SORCS2: variants seen among roughly 807,000 people sequenced by gnomAD.
The protein encoded by SORCS2 is VPS10 domain-containing receptor SorCS2.
SORCS2 carries 100 observed loss-of-function variants against 141.6 expected under a neutral mutation model. The observed-to-expected ratio is 0.71, with a 90% CI of 0.60 to 0.83. The LOEUF is 0.83. SORCS2 is among the 40% of genes least tolerant of loss of function. The pLI is 0.00. For missense variants in SORCS2, 1,646 were observed against 1,560.2 expected (o/e 1.05, Z -0.93); for synonymous variants, 789 against 676.9 (o/e 1.17, Z -2.57).
chr4:7,266,403 T>G (rs537391094), intron 1 of SORCS2, among the ~76,000 whole-genome samples: 136 of 152,344 alleles, frequency 8.9e-4, no homozygotes, highest in African/African-American at 3.2e-3. Flanking sequence ...ATTTCCGTCC[T>G]GCCCTCCTCC....
At chr4:7,667,286 C>T (rs1439906249) in intron 8 of SORCS2, 73 bp downstream of exon 8, 2 of 1,397,740 alleles carry the variant, frequency 1.4e-6, no homozygotes, top group Non-Finnish European at 2.0e-6. Context: ...GGCAACAGGA[C>T]TCACACACAG....
At chr4:7,416,948 G>A (rs1027225383) in intron 2 of SORCS2, among the ~76,000 whole-genome samples, 6 of 151,896 alleles carry the variant, frequency 4.0e-5, no homozygotes, top group East Asian at 1.9e-4. Context: ...ACATACTCTC[G>A]CACACACACA....
intron 22 of SORCS2, among the ~76,000 whole-genome samples, chr4:7,729,343 G>C (rs1727440456): frequency 6.6e-6 from 1 of 152,122 alleles, no homozygotes; most frequent in Non-Finnish European, 1.5e-5. Flanking sequence ...CCTGGCCAAG[G>C]GGAGGCCAGT....
intron 10 of SORCS2, among the ~76,000 whole-genome samples, chr4:7,688,975 CA>C (rs1296280781): frequency 1.3e-5 from 2 of 152,148 alleles, no homozygotes; most frequent in Non-Finnish European, 2.9e-5. Context: ...CCTCTGATGC[CA>C]GGGATACTGT....
chr4:7,738,412 G>T (rs1003580241), intron 26 of SORCS2, among the ~76,000 whole-genome samples: 3 of 152,246 alleles, frequency 2.0e-5, no homozygotes, highest in Non-Finnish European at 4.4e-5. Flanking sequence ...CTTGCCCAAG[G>T]TCACAGCTGG....
intron 4 of SORCS2, among the ~76,000 whole-genome samples, chr4:7,642,405 T>C (rs1285085320): frequency 6.6e-6 from 1 of 152,260 alleles, no homozygotes; most frequent in Non-Finnish European, 1.5e-5. Context: ...GAAAAATTAA[T>C]GGAGCTGAAA....
chr4:7,687,813 G>A (rs1723970222), intron 10 of SORCS2, among the ~76,000 whole-genome samples: 1 of 152,104 alleles, frequency 6.6e-6, no homozygotes. Flanking sequence ...CATCACCACT[G>A]TCCCTTTTAG....
intron 1 of SORCS2, among the ~76,000 whole-genome samples, chr4:7,360,149 C>T (rs1721493288): frequency 6.6e-6 from 1 of 152,242 alleles, no homozygotes; most frequent in South Asian, 2.1e-4. Flanking sequence ...TATTAAGCAT[C>T]ATTGATCCGC....
intron 1 of SORCS2, among the ~76,000 whole-genome samples, chr4:7,247,312 T>A (rs1333529525): frequency 3.3e-5 from 5 of 152,152 alleles, no homozygotes; most frequent in African/African-American, 1.2e-4. Flanking sequence ...TAATTTTTTT[T>A]TTTTTGCCTT....
chr4:7,689,048 G>A (rs901341765), intron 10 of SORCS2, among the ~76,000 whole-genome samples: 1 of 152,178 alleles, frequency 6.6e-6, no homozygotes. Flanking sequence ...ATGAGCTTGG[G>A]CTGTGCAGGC....
chr4:7,367,987 TAA>T (rs1441293941), intron 1 of SORCS2, among the ~76,000 whole-genome samples: 3 of 152,188 alleles, frequency 2.0e-5, no homozygotes, highest in Admixed American at 1.3e-4. Flanking sequence ...CCCATGCACC[TAA>T]GTCCTCAGCG....
At chr4:7,709,259 G>A (rs944183395) in intron 14 of SORCS2, among the ~76,000 whole-genome samples, 28 of 152,170 alleles carry the variant, frequency 1.8e-4, no homozygotes, top group Non-Finnish European at 2.5e-4. Context: ...AGCCTTCTCC[G>A]GGCCTCAGCT....
At chr4:7,259,992 T>G (rs1714207084) in intron 1 of SORCS2, among the ~76,000 whole-genome samples, 1 of 152,220 alleles carries the variant, frequency 6.6e-6, no homozygotes, top group Non-Finnish European at 1.5e-5. Context: ...TTTGGGGGAA[T>G]GACAGAAGCT....
At chr4:7,429,233 G>A (rs1726662445) in intron 2 of SORCS2, among the ~76,000 whole-genome samples, 1 of 152,156 alleles carries the variant, frequency 6.6e-6, no homozygotes, top group African/African-American at 2.4e-5. Flanking sequence ...CATGGCTGGA[G>A]CTGAGCGTGG....
intron 19 of SORCS2, among the ~76,000 whole-genome samples, chr4:7,724,143 T>TA (rs1577120566): frequency 7.8e-6 from 1 of 128,074 alleles, no homozygotes; most frequent in Admixed American, 7.5e-5. Context: ...GTGGTGGTGA[T>TA]GGTCGTGGTG....
intron 1 of SORCS2, among the ~76,000 whole-genome samples, chr4:7,195,884 C>G (rs952589083): frequency 1.3e-5 from 2 of 152,242 alleles, no homozygotes; most frequent in Non-Finnish European, 2.9e-5. Context: ...CCTCAACTTG[C>G]TTGCCGCCCT....
At chr4:7,519,798 G>A (rs528900361) in intron 2 of SORCS2, among the ~76,000 whole-genome samples, 98 of 152,278 alleles carry the variant, frequency 6.4e-4, no homozygotes, top group Middle Eastern at 3.4e-3. Flanking sequence ...TCCTTGGCCC[G>A]GCCTCCCAGA....
chr4:7,618,489 T>G (rs959856542), intron 3 of SORCS2, among the ~76,000 whole-genome samples: 7 of 152,082 alleles, frequency 4.6e-5, no homozygotes, highest in African/African-American at 1.7e-4. Flanking sequence ...GCAATCAGAC[T>G]CCTCACGAGG....
At chr4:7,709,850 G>A (rs191523294) in intron 14 of SORCS2, among the ~76,000 whole-genome samples, 149 of 152,314 alleles carry the variant, frequency 9.8e-4, no homozygotes, top group African/African-American at 3.3e-3. Flanking sequence ...GGGGTCCCCA[G>A]GCCCTGGGCT....
Sources: gnomAD v4.1 joint callset for allele counts (sites outside exome capture counted in the v4.1 genomes callset) on GRCh38, gnomAD v4.1.1 for gene constraint, MANE v1.5 for transcripts, NCBI Gene and HGNC (gene_info 2026-07-23, HGNC 2026-07-21) for gene names.